The following PNMA8A variants were observed in gnomAD, a reference collection of about 807,000 sequenced individuals.
The protein encoded by PNMA8A is paraneoplastic antigen-like protein 8A.
A neutral mutation model predicts 26.6 loss-of-function variants in PNMA8A; 17 were observed. The observed-to-expected ratio is 0.64, with a 90% CI of 0.44 to 0.96. The LOEUF (loss-of-function observed/expected upper bound fraction) is 0.96. PNMA8A is among the 40% of genes least tolerant of loss of function. The pLI is 0.00. For synonymous variants in PNMA8A, 224 were observed against 182.0 expected, an observed-to-expected ratio of 1.23 and a Z score of -1.86; for missense variants, 532 against 488.4, an observed-to-expected ratio of 1.09 and a Z score of -0.84.
At position 46,466,887 on chromosome 19, in the gene PNMA8A, G is replaced by C. The variant is rs1969713718; in HGVS notation, c.*1674C>G. The C allele has an allele frequency of 6.6e-6, 1 of 152,156 alleles. No homozygotes were observed. Among genetic ancestry groups the C allele is most frequent in the African/African-American group, 2.4e-5 (1 of 41,426 alleles). The allele number at this position is 152,156 out of a possible 1,614,324, so 9.4% of individuals were successfully genotyped here. The stretch of plus-strand genomic sequence containing the variant: ...GAAAAGACGCCCTGAAAACTTGCAA[G>C]GGCTAATACTCTATGATAGAATATT... On this transcript the variant is annotated 3_prime_UTR_variant, in exon 3 of 3. Coordinates refer to ENST00000313683, the MANE Select transcript of PNMA8A (RefSeq NM_018215.4).
chr19:46,471,138 GTCACGTTCCCA>G, intron 1 of PNMA8A, 24 bp from the exon 2 acceptor site: 1 of 626,354 alleles, frequency 1.6e-6, no homozygotes. Context: ...AGGGAGCGAG[GTCACGTTCCCA>G]GGAAGATGAC....
intron 2 of PNMA8A, among the ~76,000 whole-genome samples, chr19:46,468,902 G>A (rs992636060): frequency 3.9e-5 from 6 of 151,936 alleles, no homozygotes; most frequent in African/African-American, 1.5e-4. Context: ...CCTGAAGGCC[G>A]ATGCTGGAGA....
In PNMA8A at chr19:46,469,861, CCTTT is replaced by C; in HGVS notation, c.1171_1174del (p.Lys391GlyfsTer56). On this transcript the variant is annotated frameshift_variant, in exon 2 of 3. Transcript: ENST00000313683. LOFTEE classifies it high-confidence loss of function. ...TGATGCCTCCCTTCTTGAGCCTGGCCCTTTCTTTGGCATCACCGGCTTCTTCCTG... is the reference window on the plus strand; with the variant it reads ...TGATGCCTCCCTTCTTGAGCCTGGCCCTTTGGCATCACCGGCTTCTTCCTG... 1 of 1,614,224 alleles carries C rather than the reference CCTTT, an allele frequency of 6.2e-7. No individual in the cohort carries two copies. Among genetic ancestry groups the C allele is most frequent in the African/African-American group, 1.3e-5 (1 of 75,058 alleles).
chr19:46,471,338 T>C lies in PNMA8A; in HGVS notation c.-81A>G. 3.9e-6 allele frequency: 1 copy of C among 257,044 alleles called. No homozygotes were observed. Among genetic ancestry groups the C allele is most frequent in the Non-Finnish European group, 7.4e-6 (1 of 135,542 alleles). The allele number at this position is 257,044 out of a possible 1,614,324, so 15.9% of individuals were successfully genotyped here. On this transcript the variant is annotated splice_region_variant and 5_prime_UTR_variant, in exon 1 of 3. Coordinates refer to ENST00000313683, the MANE Select transcript of PNMA8A (RefSeq NM_018215.4). ...TCCGCCTGCCCAGCCGGGACTTACT[T>C]GGCAGATCAGCCTCCGACCGCCCAG...
Position 46,470,208 on chromosome 19 carries a change from C to T in PNMA8A, c.828G>A (p.Val276=). The T allele has an allele frequency of 1.2e-6, 2 of 1,614,186 alleles. No individual in the cohort carries two copies. The highest frequency in any genetic ancestry group is 2.2e-5 in the East Asian group (1 of 44,886). Residue 276 remains valine (V), a synonymous_variant, in exon 2 of 3, where the codon GTG becomes GTA. Coordinates refer to ENST00000313683, the MANE Select transcript of PNMA8A (RefSeq NM_018215.4). ...AGATCGCCATGCTTTCAGCATCACCCACCTCAGGATCCTCCAAGTTAGCTG... is the reference window on the plus strand; with the variant it reads ...AGATCGCCATGCTTTCAGCATCACCTACCTCAGGATCCTCCAAGTTAGCTG... ...NSTANLEDPE[V]GDAESMAISE...
chr19:46,471,131 G>C lies in PNMA8A; in HGVS notation c.-79-17C>G, dbSNP rs961727307. 1.6e-6 allele frequency: 1 copy of C among 637,482 alleles called. No homozygotes were observed. The highest frequency in any genetic ancestry group is 2.5e-5 in the Admixed American group (1 of 39,678). The allele number at this position is 637,482 out of a possible 1,614,324, so 39.5% of individuals were successfully genotyped here. A position where few individuals can be genotyped will look rare whatever the true frequency, so the allele number is the denominator to read the frequency against. On this transcript the variant is annotated splice_polypyrimidine_tract_variant and intron_variant, in intron 1 of 2. Coordinates refer to ENST00000313683, the MANE Select transcript of PNMA8A (RefSeq NM_018215.4). ...ACAGTAATCCTGCAAGGTGACAAGGGAGCGAGGTCACGTTCCCAGGAAGAT... is the reference window on the plus strand; with the variant it reads ...ACAGTAATCCTGCAAGGTGACAAGGCAGCGAGGTCACGTTCCCAGGAAGAT...
In PNMA8A at chr19:46,470,138, C is replaced by G; in HGVS notation, c.898G>C (p.Glu300Gln). 3 of 1,611,968 alleles carry G rather than the reference C, an allele frequency of 1.9e-6. No individual in the cohort carries two copies. The East Asian group carries it at 6.7e-5, about 36-fold the overall frequency. Residue 300 changes from glutamate (E) to glutamine (Q), a missense_variant, in exon 2 of 3, where the codon GAG (glutamate) becomes CAG (glutamine). By Grantham distance (29) the Glu-to-Gln change is conservative (BLOSUM62 2). Transcript: ENST00000313683. The part of the protein sequence containing the change: ...GSRKPCVNKE[E>Q]LALKKPMAKC... ...GCCATGGGCTTCTTCAAAGCCAACT[C>G]CTCCTTATTCACACAGGGCTTTCTG...
At chr19:46,471,237 A>G (rs1387495646) in intron 1 of PNMA8A, 100 bp downstream of exon 1, 3 of 513,900 alleles carry the variant, frequency 5.8e-6, no homozygotes, top group Non-Finnish European at 1.0e-5. Flanking sequence ...CCTCCTCCCC[A>G]ACCCAGGCCC....
rs1190509851 is a variant in PNMA8A, at chr19:46,466,741, AT to A, written c.*1819del. 1 of 152,124 alleles carries A rather than the reference AT, an allele frequency of 6.6e-6. No individual in the cohort carries two copies. The highest frequency in any genetic ancestry group is 2.4e-5 in the African/African-American group (1 of 41,422). 9.4% of individuals were successfully genotyped at this position (152,124 alleles called of 1,614,324 possible). On this transcript the variant is annotated 3_prime_UTR_variant, in exon 3 of 3. Coordinates refer to ENST00000313683, the MANE Select transcript of PNMA8A (RefSeq NM_018215.4). Reference sequence around the variant, plus strand: ...CGGAAACCACTCTCTTTTCTCTCGTATTTTTCAGTCAGACTCACTCAGGATT... The same window carrying A: ...CGGAAACCACTCTCTTTTCTCTCGTATTTTCAGTCAGACTCACTCAGGATT...
rs1969777801 is a variant in PNMA8A at position 46,470,654 on chromosome 19, G to A, written c.382C>T (p.Leu128Phe). 2.7e-6 allele frequency: 4 copies of A among 1,498,812 alleles called. No individual in the cohort carries two copies. Among genetic ancestry groups the A allele is most frequent in the Non-Finnish European group, 2.8e-6 (3 of 1,074,746 alleles). 92.8% of individuals were successfully genotyped at this position (1,498,812 alleles called of 1,614,324 possible). Reference protein sequence around the residue: ...GRTWEDVVRLLQLNHPTLSQN... With the variant: ...GRTWEDVVRLFQLNHPTLSQN... Reference sequence around the variant, plus strand: ...GACAGGGTGGGGTGGTTGAGCTGGAGCAGGCGGACCACATCCTCCCAGGTG... The same window carrying A: ...GACAGGGTGGGGTGGTTGAGCTGGAACAGGCGGACCACATCCTCCCAGGTG... Residue 128 changes from leucine (L) to phenylalanine (F), a missense_variant, in exon 2 of 3, where the codon CTC becomes TTC. Transcript: ENST00000313683.
At position 46,470,640 on chromosome 19, in the gene PNMA8A, G is replaced by C; in HGVS notation, c.396C>G (p.His132Gln). 6.4e-7 allele frequency: 1 copy of C among 1,573,430 alleles called. No individual in the cohort carries two copies. The highest frequency in any genetic ancestry group is 8.7e-7 in the Non-Finnish European group (1 of 1,142,928). The change falls in exon 2 of 3, where the codon CAC (histidine) becomes CAG (glutamine). Residue 132 changes from histidine to glutamine, a missense_variant. Coordinates refer to ENST00000313683, the MANE Select transcript of PNMA8A (RefSeq NM_018215.4). ...GATGCTGGTTCTGGGACAGGGTGGGGTGGTTGAGCTGGAGCAGGCGGACCA... is the reference window on the plus strand; with the variant it reads ...GATGCTGGTTCTGGGACAGGGTGGGCTGGTTGAGCTGGAGCAGGCGGACCA... Reference protein sequence around the residue: ...EDVVRLLQLNHPTLSQNQHQP... With the variant: ...EDVVRLLQLNQPTLSQNQHQP...
In PNMA8A at chr19:46,469,757, C is replaced by T. The variant is rs1568606854; in HGVS notation, c.1279G>A (p.Gly427Ser). 2 of 1,610,520 alleles carry T rather than the reference C, an allele frequency of 1.2e-6. No homozygotes were observed. Among genetic ancestry groups the T allele is most frequent in the Non-Finnish European group, 1.7e-6 (2 of 1,178,966 alleles). The stretch of plus-strand genomic sequence containing the variant: ...CCATTGGTGGCACGCCGAGGAGAGC[C>T]TTCTGGCTTGGCCTTCGGACCCCTA... ...TSRGPKAKPE[G>S]SPRRATNESR... Residue 427 changes from glycine (G) to serine (S), a missense_variant, in exon 2 of 3, where the codon GGC becomes AGC. Transcript: ENST00000313683.
chr19:46,471,063 G>C lies in PNMA8A; in HGVS notation c.-28C>G, dbSNP rs1264443722. The C allele has an allele frequency of 4.2e-6, 3 of 721,292 alleles. No homozygotes were observed. Among genetic ancestry groups the C allele is most frequent in the Admixed American group, 3.9e-5 (2 of 51,800 alleles). The allele number at this position is 721,292 out of a possible 1,614,324, so 44.7% of individuals were successfully genotyped here. The stretch of plus-strand genomic sequence containing the variant: ...AGCGGCTCTGAACCTACTATGTGTA[G>C]TAAATAGTCTATCAGGTGGACGTGG... On this transcript the variant is annotated 5_prime_UTR_variant, in exon 2 of 3. Transcript: ENST00000313683.
intron 2 of PNMA8A, 102 bp from the exon 3 acceptor site, chr19:46,468,679 C>A: frequency 1.1e-6 from 1 of 926,214 alleles, no homozygotes; most frequent in Non-Finnish European, 1.8e-6. Context: ...CATTTCTATT[C>A]CCCAGCCAGG....
Position 46,470,126 on chromosome 19 carries a change from T to A in PNMA8A, c.910A>T (p.Lys304Ter). 1 of 1,609,622 alleles carries A rather than the reference T, an allele frequency of 6.2e-7. No individual in the cohort carries two copies. The highest frequency in any genetic ancestry group is 8.5e-7 in the Non-Finnish European group (1 of 1,178,144). ...CAGGCACATTTCGCCATGGGCTTCTTCAAAGCCAACTCCTCCTTATTCACA... is the reference window on the plus strand; with the variant it reads ...CAGGCACATTTCGCCATGGGCTTCTACAAAGCCAACTCCTCCTTATTCACA... ...PCVNKEELAL[K>*]KPMAKCAWKG... The change falls in exon 2 of 3, where the codon AAG becomes TAG. Residue 304 changes from lysine (K) to a stop codon, truncating the protein, a stop_gained. Transcript: ENST00000313683. LOFTEE classifies it high-confidence loss of function.
chr19:46,469,282 G>C (rs1467401217), intron 2 of PNMA8A, among the ~76,000 whole-genome samples: 2 of 151,222 alleles, frequency 1.3e-5, no homozygotes. Flanking sequence ...CTAATTTTTT[G>C]TATTTTTAGT....
rs368068889 is a variant in PNMA8A at position 46,470,068 on chromosome 19, C to T, written c.968G>A (p.Arg323Gln). 42 of 1,591,118 alleles carry T rather than the reference C, an allele frequency of 2.6e-5. No individual in the cohort carries two copies. The highest frequency in any genetic ancestry group is 6.9e-5 in the South Asian group (6 of 86,792). Residue 323 changes from arginine to glutamine, a missense_variant, in exon 2 of 3, where the codon CGG (arginine) becomes CAG (glutamine). Transcript: ENST00000313683. ...GCCTCCTGGGCTCTCGGCTTCTGCC[C>T]GGGCATCCTGAGGTGGCTCTCTGGG... ...KGPREPPQDARAEAESPGGAS... is the reference protein window; with the variant it reads ...KGPREPPQDAQAEAESPGGAS...
chr19:46,467,823 T>TA lies in PNMA8A; in HGVS notation c.*737dup, dbSNP rs1186334158. 1 of 152,196 alleles carries TA rather than the reference T, an allele frequency of 6.6e-6. No homozygotes were observed. Among genetic ancestry groups the TA allele is most frequent in the Non-Finnish European group, 1.5e-5 (1 of 68,092 alleles). The allele number at this position is 152,196 out of a possible 1,614,324, so 9.4% of individuals were successfully genotyped here. A position where few individuals can be genotyped will look rare whatever the true frequency, so the allele number is the denominator to read the frequency against. On this transcript the variant is annotated 3_prime_UTR_variant, in exon 3 of 3. Transcript: ENST00000313683. ...TGACAGTTGGGTAGATGGATGGAAT[T>TA]AGAGCTGGGGACCTAGGAATGCCTG...
At chr19:46,469,037 T>C (rs192981175) in intron 2 of PNMA8A, among the ~76,000 whole-genome samples, 62 of 152,018 alleles carry the variant, frequency 4.1e-4, no homozygotes, top group African/African-American at 1.4e-3. Context: ...GGTTTCACCA[T>C]GTTGGCCAGG....
Sources: gnomAD v4.1 joint callset for allele counts (sites outside exome capture counted in the v4.1 genomes callset) on GRCh38, gnomAD v4.1.1 for gene constraint, MANE v1.5 for transcripts, NCBI Gene and HGNC (gene_info 2026-07-23, HGNC 2026-07-21) for gene names.